CGGBP1: variants seen among roughly 807,000 people sequenced by gnomAD.
CGGBP1 encodes CGG triplet repeat-binding protein 1.
Under a neutral mutation model 11.4 loss-of-function variants are expected in CGGBP1, and 4 were observed. That is an observed-to-expected ratio of 0.35 (90% confidence interval 0.17 to 0.80). The LOEUF is 0.80. CGGBP1 is among the 30% of genes least tolerant of loss of function. The pLI is 0.52. For missense variants in CGGBP1, 135 were observed against 202.1 expected, an observed-to-expected ratio of 0.67 and a Z score of 2.01; for synonymous variants, 76 against 74.1, an observed-to-expected ratio of 1.03 and a Z score of -0.13.
At chr3:88,109,778 A>G (rs534571550) in intron 2 of CGGBP1, among the ~76,000 whole-genome samples, 1 of 152,286 alleles carries the variant, frequency 6.6e-6, no homozygotes, top group South Asian at 2.1e-4. Context: ...TTTTTTATAA[A>G]TGTATAAACT....
intron 2 of CGGBP1, among the ~76,000 whole-genome samples, chr3:88,120,280 C>A (rs1054785860): frequency 6.6e-6 from 1 of 152,098 alleles, no homozygotes; most frequent in African/African-American, 2.4e-5. Context: ...ATGCCATATT[C>A]CCTAATCCAT....
intron 2 of CGGBP1, among the ~76,000 whole-genome samples, chr3:88,082,886 A>T (rs1374782814): frequency 6.6e-6 from 1 of 152,226 alleles, no homozygotes; most frequent in East Asian, 1.9e-4. Flanking sequence ...CCAGATCAGG[A>T]TGCCAGCGTG....
At chr3:88,140,156 G>T (rs780101740) in intron 2 of CGGBP1, 3 of 1,613,288 alleles carry the variant, frequency 1.9e-6, no homozygotes, top group South Asian at 2.2e-5. Flanking sequence ...TTAAGCTGCC[G>T]TTCCAGCTTG....
intron 2 of CGGBP1, among the ~76,000 whole-genome samples, chr3:88,126,576 C>T (rs1475617616): frequency 3.7e-5 from 4 of 108,308 alleles, no homozygotes; most frequent in Admixed American, 1.3e-4. Context: ...TAAGTAGAAA[C>T]ATCTTTTTTT....
At chr3:88,129,349 A>G (rs1706310643) in intron 2 of CGGBP1, among the ~76,000 whole-genome samples, 1 of 144,346 alleles carries the variant, frequency 6.9e-6, no homozygotes, top group African/African-American at 2.5e-5. Flanking sequence ...AAAAAAACCC[A>G]AGAAGCATTA....
intron 2 of CGGBP1, among the ~76,000 whole-genome samples, chr3:88,093,375 CAG>C (rs1219786578): frequency 6.6e-6 from 1 of 152,138 alleles, no homozygotes; most frequent in Non-Finnish European, 1.5e-5. Flanking sequence ...TTTTACCCAA[CAG>C]AAAGTAAATG....
intron 2 of CGGBP1, among the ~76,000 whole-genome samples, chr3:88,068,005 CT>C (rs1559687552): frequency 1.3e-5 from 2 of 151,820 alleles, no homozygotes; most frequent in Non-Finnish European, 2.9e-5. Context: ...TATAAGACCC[CT>C]GAAGGGGAGT....
At chr3:88,072,519 T>C (rs1707572654) in intron 2 of CGGBP1, among the ~76,000 whole-genome samples, 1 of 152,180 alleles carries the variant, frequency 6.6e-6, no homozygotes, top group Admixed American at 6.5e-5. Flanking sequence ...ATCTGCTTCT[T>C]GGCTTTTGTT....
intron 2 of CGGBP1, among the ~76,000 whole-genome samples, chr3:88,077,260 A>G (rs1287226448): frequency 6.6e-6 from 1 of 152,024 alleles, no homozygotes; most frequent in Non-Finnish European, 1.5e-5. Context: ...CAATATAGGC[A>G]GTGTGCTTTC....
intron 2 of CGGBP1, among the ~76,000 whole-genome samples, chr3:88,123,498 A>G (rs1214306186): frequency 6.6e-6 from 1 of 152,182 alleles, no homozygotes; most frequent in Non-Finnish European, 1.5e-5. Context: ...AAAGTGTCCC[A>G]TAGTTGCCTG....
chr3:88,132,755 C>A (rs557536993), intron 2 of CGGBP1, among the ~76,000 whole-genome samples: 1 of 152,262 alleles, frequency 6.6e-6, no homozygotes, highest in East Asian at 1.9e-4. Context: ...TCTCTTAATT[C>A]TTTTAATAAA....
chr3:88,118,684 TTTA>T (rs1191250694), intron 2 of CGGBP1, among the ~76,000 whole-genome samples: 1 of 152,168 alleles, frequency 6.6e-6, no homozygotes, highest in Non-Finnish European at 1.5e-5. Context: ...GCTAAAAGGC[TTTA>T]AAAGAAAACA....
intron 2 of CGGBP1, among the ~76,000 whole-genome samples, chr3:88,104,379 C>T (rs538281653): frequency 5.2e-4 from 79 of 152,300 alleles, no homozygotes; most frequent in African/African-American, 1.8e-3. Flanking sequence ...ACCGTAGTGT[C>T]TCTGTAACTA....
At chr3:88,127,037 C>G (rs1693701666) in intron 2 of CGGBP1, among the ~76,000 whole-genome samples, 1 of 152,056 alleles carries the variant, frequency 6.6e-6, no homozygotes, top group South Asian at 2.1e-4. Context: ...CATTCCTGAA[C>G]CCCAGAACAT....
chr3:88,139,093 A>G, intron 2 of CGGBP1: 1 of 1,263,316 alleles, frequency 7.9e-7, no homozygotes, highest in Non-Finnish European at 9.9e-7. Flanking sequence ...AGATTTCTAA[A>G]TGAAAGCACA....
chr3:88,149,615 C>T (rs58748678), intron 1 of CGGBP1: 5,672 of 155,596 alleles, frequency 0.036, 369 homozygotes, highest in African/African-American at 0.13. Context: ...CCCGGGGGCC[C>T]GGCCAGCGGG....
Position 88,131,265 on chromosome 3 carries a change from C to A in CGGBP1, c.-229+9705G>T, listed in dbSNP as rs540359947. Among the ~76,000 whole-genome samples, 15 of 152,292 alleles carry A rather than the reference C, an allele frequency of 9.8e-5. No individual in the cohort carries two copies. In the East Asian group the frequency reaches 2.5e-3, roughly 25 times the overall value. ...AAAATGATATTATAATCTTGTGTGA[C>A]CACTGTTGTATACGCAGTCTTCTGT... On this transcript the variant is annotated intron_variant, in intron 2 of 3. Coordinates refer to the CGGBP1 transcript ENST00000462901.
chr3:88,140,320 T>G (rs746945497), intron 2 of CGGBP1: 1 of 1,613,768 alleles, frequency 6.2e-7, no homozygotes, highest in Non-Finnish European at 8.5e-7. Flanking sequence ...AGTGAAACAA[T>G]TCTTTGGGAT....
chr3:88,088,067 G>T (rs1382276857), intron 2 of CGGBP1, among the ~76,000 whole-genome samples: 2 of 152,144 alleles, frequency 1.3e-5, no homozygotes, highest in South Asian at 4.1e-4. Flanking sequence ...TTTCAGATAA[G>T]GGACACTCAA....
Sources: allele counts gnomAD v4.1 joint callset (sites outside exome capture counted in the v4.1 genomes callset), GRCh38; gene constraint gnomAD v4.1.1; transcripts MANE v1.5; gene names NCBI Gene and HGNC (gene_info 2026-07-23, HGNC 2026-07-21).